The following FER variants were observed in gnomAD, a reference collection of about 807,000 sequenced individuals.
The protein encoded by FER is FER tyrosine kinase, also known as tyrosine-protein kinase Fer.
In FER, 63 loss-of-function variants were observed where a neutral mutation model predicts 111.0. The observed-to-expected ratio is 0.57, with a 90% CI of 0.46 to 0.70. The LOEUF is 0.70. Ranked by LOEUF, FER falls within the 30% of genes least tolerant of loss-of-function variation. FER has a pLI of 0.00. For missense variants in FER, 914 were observed against 954.0 expected, an observed-to-expected ratio of 0.96 and a Z score of 0.55; for synonymous variants, 327 against 313.9, an observed-to-expected ratio of 1.04 and a Z score of -0.44.
At chr5:108,750,791 G>A (rs1470159377) in intron 1 of FER, among the ~76,000 whole-genome samples, 1 of 152,224 alleles carries the variant, frequency 6.6e-6, no homozygotes, top group African/African-American at 2.4e-5. Context: ...CAATGCAGAA[G>A]AGTCGAGTTG....
At chr5:108,991,061 A>G (rs1763105621) in intron 13 of FER, among the ~76,000 whole-genome samples, 1 of 151,442 alleles carries the variant, frequency 6.6e-6, no homozygotes, top group South Asian at 2.1e-4. Flanking sequence ...ATATACACAC[A>G]TATATACAAA....
intron 16 of FER, among the ~76,000 whole-genome samples, chr5:109,053,687 T>G (rs954868880): frequency 5.0e-5 from 7 of 138,896 alleles, no homozygotes; most frequent in Non-Finnish European, 1.1e-4. Context: ...CTGAGTGGAG[T>G]TCTATTTTTT....
chr5:108,927,462 T>G (rs1176426466), intron 10 of FER, among the ~76,000 whole-genome samples: 1 of 151,958 alleles, frequency 6.6e-6, no homozygotes, highest in African/African-American at 2.4e-5. Flanking sequence ...GGGTTCACCT[T>G]GTTAGCCAGG....
intron 17 of FER, among the ~76,000 whole-genome samples, chr5:109,171,183 A>T (rs1189165789): frequency 1.3e-5 from 2 of 152,184 alleles, no homozygotes; most frequent in African/African-American, 4.8e-5. Flanking sequence ...AAAACATGAC[A>T]TCAGGGTTGA....
chr5:108,984,122 T>C (rs952841820), intron 13 of FER, among the ~76,000 whole-genome samples: 4 of 152,132 alleles, frequency 2.6e-5, no homozygotes, highest in African/African-American at 7.2e-5. Context: ...CTAGCAGTTT[T>C]CTGTCCTTTC....
intron 9 of FER, chr5:108,894,383 C>T (rs888371239): frequency 1.2e-5 from 12 of 963,644 alleles, no homozygotes; most frequent in African/African-American, 1.2e-4. Flanking sequence ...TTGCTGCATC[C>T]TGTAGCAACT....
intron 13 of FER, among the ~76,000 whole-genome samples, chr5:109,010,324 A>AT (rs1215021080): frequency 6.6e-6 from 1 of 151,808 alleles, no homozygotes; most frequent in Non-Finnish European, 1.5e-5. Flanking sequence ...CGCCTGGCTA[A>AT]TTTTTTGTAT....
At chr5:109,008,863 G>A (rs1298835933) in intron 13 of FER, among the ~76,000 whole-genome samples, 4 of 151,922 alleles carry the variant, frequency 2.6e-5, no homozygotes, top group Non-Finnish European at 5.9e-5. Flanking sequence ...CCAGCTGCTC[G>A]GGAGGGTGAG....
intron 17 of FER, among the ~76,000 whole-genome samples, chr5:109,145,035 G>GTT (rs375509776): frequency 2.1e-5 from 3 of 142,574 alleles, no homozygotes; most frequent in Admixed American, 7.0e-5. Context: ...TTCTTTAGTT[G>GTT]TTTTTTTTTT....
intron 2 of FER, 105 bp from the exon 3 acceptor site, chr5:108,798,019 G>GTTT: frequency 4.9e-6 from 2 of 408,444 alleles, no homozygotes; most frequent in Non-Finnish European, 4.4e-6. Flanking sequence ...ATTCAGTTGT[G>GTTT]TTTTTTTTTT....
chr5:109,072,102 T>C (rs1014584198), intron 16 of FER, among the ~76,000 whole-genome samples: 1 of 151,836 alleles, frequency 6.6e-6, no homozygotes, highest in Admixed American at 6.6e-5. Flanking sequence ...CATTGTACTG[T>C]TTGATATAAA....
intron 13 of FER, among the ~76,000 whole-genome samples, chr5:108,968,149 G>T (rs1354318105): frequency 6.6e-6 from 1 of 152,232 alleles, no homozygotes; most frequent in Non-Finnish European, 1.5e-5. Context: ...AGCACTTTGG[G>T]AGGCAAAGGC....
intron 18 of FER, among the ~76,000 whole-genome samples, chr5:109,184,544 T>G (rs888555163): frequency 6.6e-6 from 1 of 152,184 alleles, no homozygotes; most frequent in East Asian, 1.9e-4. Flanking sequence ...TTTATTGATC[T>G]CTGCCCAGAT....
At chr5:108,962,821 A>G (rs1038310016) in intron 13 of FER, among the ~76,000 whole-genome samples, 2 of 152,198 alleles carry the variant, frequency 1.3e-5, no homozygotes, top group African/African-American at 4.8e-5. Flanking sequence ...AAAATGGTAA[A>G]TGAATTCCCC....
At chr5:108,907,339 G>A (rs2150350374) in intron 10 of FER, among the ~76,000 whole-genome samples, 1 of 151,684 alleles carries the variant, frequency 6.6e-6, no homozygotes, top group East Asian at 1.9e-4. Context: ...CTGTTGCCCA[G>A]GCTGGAGTGC....
chr5:108,960,483 A>G (rs1461041500), intron 13 of FER, among the ~76,000 whole-genome samples: 2 of 151,926 alleles, frequency 1.3e-5, no homozygotes, highest in Non-Finnish European at 2.9e-5. Context: ...TCTACCCTTA[A>G]TTACCAAAAC....
intron 11 of FER, among the ~76,000 whole-genome samples, chr5:108,947,628 C>T (rs72789305): frequency 0.14 from 21,181 of 151,674 alleles, 1,541 homozygotes; most frequent in Middle Eastern, 0.16. Flanking sequence ...TCTCACCCTT[C>T]GGATTTTTTT....
intron 12 of FER, among the ~76,000 whole-genome samples, chr5:108,956,279 G>A (rs534483363): frequency 1.3e-5 from 2 of 151,710 alleles, no homozygotes; most frequent in South Asian, 4.1e-4. Context: ...TTATTACGTG[G>A]TATGAGAATT....
At position 109,192,136 on chromosome 5, in the gene FER, T is replaced by A. The variant is rs1468619163; in HGVS notation, c.*4561T>A. The A allele has an allele frequency of 6.6e-6, 1 of 152,214 alleles. No individual in the cohort carries two copies. Among genetic ancestry groups the A allele is most frequent in the Non-Finnish European group, 1.5e-5 (1 of 68,038 alleles). The allele number at this position is 152,214 out of a possible 1,614,324, so 9.4% of individuals were successfully genotyped here. A position where few individuals can be genotyped will look rare whatever the true frequency, so the allele number is the denominator to read the frequency against. ...GGCAGAAAAATCCTGGTGTGCTAGA[T>A]TCTTAGTCACTTTAAACTGCATAGA... On this transcript the variant is annotated 3_prime_UTR_variant, in exon 20 of 20. Coordinates refer to ENST00000281092, the MANE Select transcript of FER (RefSeq NM_005246.4).
Sources: gnomAD v4.1 joint callset for allele counts (sites outside exome capture counted in the v4.1 genomes callset) on GRCh38, gnomAD v4.1.1 for gene constraint, MANE v1.5 for transcripts, NCBI Gene and HGNC (gene_info 2026-07-23, HGNC 2026-07-21) for gene names.